The following MYO15A variants were observed in gnomAD, a reference collection of about 807,000 sequenced individuals.
MYO15A encodes unconventional myosin-XV.
In MYO15A, 308 loss-of-function variants were observed where a neutral mutation model predicts 394.6. The ratio of observed to expected loss-of-function variants is 0.78; its 90% CI spans 0.71 to 0.86. MYO15A has a LOEUF of 0.86. MYO15A is among the 40% of genes least tolerant of loss of function. The pLI, the probability that MYO15A is intolerant of heterozygous loss-of-function variation, is 0.00. For synonymous variants in MYO15A, 1,957 were observed against 2,003.8 expected (o/e 0.98, Z 0.62); for missense variants, 4,606 against 4,799.1 (o/e 0.96, Z 1.19).
chr17:18,151,249 C>G lies in MYO15A; in HGVS notation c.7613C>G (p.Ala2538Gly). 1 of 1,614,194 alleles carries G rather than the reference C, an allele frequency of 6.2e-7. No individual in the cohort carries two copies. Among genetic ancestry groups the G allele is most frequent in the East Asian group, 2.2e-5 (1 of 44,872 alleles). The change falls in exon 39 of 66, where the codon GCT (alanine) becomes GGT (glycine). Residue 2538 changes from alanine (A) to glycine (G), a missense_variant. Physicochemically the swap from Ala to Gly is moderately conservative, Grantham distance 60. Around this residue, in one of 2 missense-constraint regions of MYO15A, gnomAD observed 2,776 missense variants for 3,109.3 expected, o/e 0.89. Transcript: ENST00000647165. ...KAPRLPIKPV[A>G]APVLAQDQAS... is the part of the protein sequence containing the mutation. ...CCAAGGCTCCCCATCAAGCCTGTGG[C>G]TGCCCCTGTTCTAGCTCAGGATCAG...
chr17:18,134,553 G>A (rs12949189), intron 12 of MYO15A, among the ~76,000 whole-genome samples: 4,941 of 152,148 alleles, frequency 0.032, 129 homozygotes, highest in Non-Finnish European at 0.052. Flanking sequence ...TTTCCCAGGT[G>A]GTTACTCAAT....
rs563841592 is a variant in MYO15A at position 18,150,602 on chromosome 17, T to A, written c.7327+59T>A. 1.9e-6 allele frequency: 3 copies of A among 1,611,154 alleles called. No homozygotes were observed. In the East Asian group the frequency reaches 6.7e-5, roughly 36 times the overall value. On this transcript the variant is annotated intron_variant, in intron 36 of 65. Coordinates refer to ENST00000647165, the MANE Select transcript of MYO15A (RefSeq NM_016239.4). This position sits in a 1 kb window ranked among gnomAD's most constrained non-coding sequence, Gnocchi z 4.4. ...GCAGGGCCAGAGCCACTTGCTGGTG[T>A]GCTAGAATGGAGGCAGCCACAGCAT... is the stretch of plus-strand genomic sequence containing the variant.
In MYO15A at chr17:18,142,111, G is replaced by A; in HGVS notation, c.5682G>A (p.Leu1894=). 2.5e-6 allele frequency: 4 copies of A among 1,613,600 alleles called. No homozygotes were observed. The highest frequency in any genetic ancestry group is 2.5e-6 in the Non-Finnish European group (3 of 1,180,036). The change falls in exon 24 of 66, where the codon CTG becomes CTA. Residue 1894 remains leucine, a synonymous_variant. Transcript: ENST00000647165. ...LFLKEHLYQL[L]ESMREHVLNL... ...TTAAGGAACACCTATACCAGCTGCT[G>A]GAGAGTATGCGAGAGCATGTCCTGA... is the stretch of plus-strand genomic sequence containing the variant.
rs764150724 is a variant in MYO15A at position 18,132,568 on chromosome 17, T to TA, written c.4320+2_4320+3insA. ...GAGACCTACTACTATCTGAACCAGG[T>TA]GAGTGCCAGCAGGCATCTGAAGGCC... On this transcript the variant is annotated splice_region_variant and intron_variant, in intron 11 of 65. Coordinates refer to ENST00000647165, the MANE Select transcript of MYO15A (RefSeq NM_016239.4). The surrounding 1 kb of genome is among the most constrained non-coding windows in gnomAD (Gnocchi z 4.6). 2.5e-6 allele frequency: 4 copies of TA among 1,609,936 alleles called. No individual in the cohort carries two copies. In the Admixed American group the frequency reaches 6.7e-5, roughly 27 times the overall value.
At chr17:18,146,662 G>A (rs2046486326) in intron 30 of MYO15A, among the ~76,000 whole-genome samples, 2 of 152,160 alleles carry the variant, frequency 1.3e-5, no homozygotes, top group Admixed American at 1.3e-4. Flanking sequence ...CAGTGGCTCA[G>A]GCCTGTAATC....
In MYO15A at chr17:18,163,779, T is replaced by C. The variant is rs1372620351; in HGVS notation, c.9728T>C (p.Met3243Thr). Reference protein sequence around the residue: ...LDVVEEICAEMALTRPEAFNE... With the variant: ...LDVVEEICAETALTRPEAFNE... ...GTGGTGGAAGAGATATGTGCTGAGA[T>C]GGCTCTGACACGCCCTGAGGCCTTC... is the stretch of plus-strand genomic sequence containing the variant. Residue 3243 changes from methionine to threonine, a missense_variant, in exon 60 of 66, where the codon ATG becomes ACG. Physicochemically the swap from Met to Thr is moderately conservative, Grantham distance 81. Transcript: ENST00000647165. 1.9e-6 allele frequency: 3 copies of C among 1,613,956 alleles called. No individual in the cohort carries two copies. Among genetic ancestry groups the C allele is most frequent in the Non-Finnish European group, 2.5e-6 (3 of 1,179,976 alleles).
chr17:18,113,171 GAC>G (rs2045742626), intron 1 of MYO15A, among the ~76,000 whole-genome samples: 2 of 152,064 alleles, frequency 1.3e-5, no homozygotes, highest in Admixed American at 1.3e-4. Context: ...TGTTTGTTTT[GAC>G]ACAGAGTCTT....
In MYO15A at chr17:18,149,514, G is replaced by A; in HGVS notation, c.7146G>A (p.Val2382=). The change falls in exon 35 of 66, where the codon GTG becomes GTA. Residue 2382 remains valine, a synonymous_variant. Transcript: ENST00000647165. The part of the protein sequence containing the change: ...QESDSLGEPA[V]PHKGLDCYLD... Reference sequence around the variant, plus strand: ...CAGACAGTCTTGGAGAGCCTGCTGTGCCCCACAAGGGGCTGGACTGCTACC... The same window carrying A: ...CAGACAGTCTTGGAGAGCCTGCTGTACCCCACAAGGGGCTGGACTGCTACC... The A allele has an allele frequency of 6.2e-7, 1 of 1,614,178 alleles. No individual in the cohort carries two copies. Among genetic ancestry groups the A allele is most frequent in the Non-Finnish European group, 8.5e-7 (1 of 1,180,020 alleles).
Position 18,130,817 on chromosome 17 carries a change from AGTGTGTGTGTGTGTGT to A in MYO15A, c.4038+46_4038+61del, listed in dbSNP as rs59214589. On this transcript the variant is annotated splice_region_variant and intron_variant, in intron 8 of 65. Coordinates refer to ENST00000647165, the MANE Select transcript of MYO15A (RefSeq NM_016239.4). ...GACGCTCTTGAAGATAAAGGTACTCAGTGTGTGTGTGTGTGTGTGTGTGTGTGTGTGTGTGTGTGTG... is the reference window on the plus strand; with the variant it reads ...GACGCTCTTGAAGATAAAGGTACTCAGTGTGTGTGTGTGTGTGTGTGTGTG... 3.8e-4 allele frequency: 448 copies of A among 1,192,928 alleles called. 1 individual carries two copies. The highest frequency in any genetic ancestry group is 7.2e-4 in the Middle Eastern group (3 of 4,152). 73.9% of individuals were successfully genotyped at this position (1,192,928 alleles called of 1,614,324 possible). A position where few individuals can be genotyped will look rare whatever the true frequency, so the allele number is the denominator to read the frequency against.
At chr17:18,143,672 G>A (rs1255966085) in intron 26 of MYO15A, 43 bp from the exon 27 acceptor site, 2 of 1,571,876 alleles carry the variant, frequency 1.3e-6, no homozygotes, top group African/African-American at 1.4e-5. Flanking sequence ...TGGCAGGTGG[G>A]GATGTGGCAG....
intron 12 of MYO15A, among the ~76,000 whole-genome samples, chr17:18,133,910 G>A (rs1265317740): frequency 4.6e-5 from 7 of 152,064 alleles, no homozygotes; most frequent in African/African-American, 7.2e-5. Context: ...CACCGGCCTC[G>A]GCCTCCCAAA....
rs1304446547 is a variant in MYO15A at position 18,152,107 on chromosome 17, G to A, written c.7894-5G>A. ...CCCCTGAGCAGTCTCTTTGGGGTGG[G>A]ACAGGTGTCCAGAGAGGCCGTGGCC... On this transcript the variant is annotated splice_polypyrimidine_tract_variant and splice_region_variant and intron_variant, in intron 41 of 65. Coordinates refer to ENST00000647165, the MANE Select transcript of MYO15A (RefSeq NM_016239.4). 6.4e-7 allele frequency: 1 copy of A among 1,551,498 alleles called. No homozygotes were observed. Among genetic ancestry groups the A allele is most frequent in the South Asian group, 1.2e-5 (1 of 84,048 alleles).
In MYO15A at chr17:18,141,728, G is replaced by A. The variant is rs953794273; in HGVS notation, c.5607G>A (p.Leu1869=). ...TGTGTGTGTCAGTGCTGAGTCGCCT[G>A]TGCAAAGTCATGCCAAACATGTACC... The part of the protein sequence containing the change: ...GDMCVSVLSR[L]CKVMPNMYRV... The change falls in exon 23 of 66, where the codon CTG becomes CTA. Residue 1869 remains leucine, a synonymous_variant. Coordinates refer to ENST00000647165, the MANE Select transcript of MYO15A (RefSeq NM_016239.4). The A allele has an allele frequency of 1.2e-6, 2 of 1,614,102 alleles. No individual in the cohort carries two copies. Among genetic ancestry groups the A allele is most frequent in the Admixed American group, 3.3e-5 (2 of 60,022 alleles).
Position 18,136,470 on chromosome 17 carries a change from T to A in MYO15A, c.4650T>A (p.Asp1550Glu), listed in dbSNP as rs745359224. The A allele has an allele frequency of 8.1e-6, 13 of 1,613,826 alleles. No individual in the cohort carries two copies. Among genetic ancestry groups the A allele is most frequent in the Non-Finnish European group, 1.0e-5 (12 of 1,180,024 alleles). ...FTPLTVESAV[D>E]ARDAIAKVLY... ...CCCTAACTGTGGAGAGCGCTGTGGA[T>A]GCCAGGTGAGGCCACGCCCTCCCCT... Residue 1550 changes from aspartate to glutamate, a missense_variant, in exon 14 of 66, where the codon GAT (aspartate) becomes GAA (glutamate). This residue lies in a region of MYO15A where 2,776 missense variants were observed against 3,109.3 expected (regional missense o/e 0.89). Transcript: ENST00000647165.
At chr17:18,142,872 G>C (rs2046407311) in intron 25 of MYO15A, 32 bp downstream of exon 25, 1 of 1,583,812 alleles carries the variant, frequency 6.3e-7, no homozygotes, top group Non-Finnish European at 8.6e-7. Flanking sequence ...GGTCCAAGGG[G>C]ACAGCAGAGA....
At chr17:18,137,451 G>A in intron 15 of MYO15A, 133 bp from the exon 16 acceptor site, 5 of 736,296 alleles carry the variant, frequency 6.8e-6, no homozygotes, top group Non-Finnish European at 9.7e-6. Flanking sequence ...GGTGCAGCAG[G>A]AGCTGTGGAG....
At chr17:18,133,454 T>C in intron 12 of MYO15A, 68 bp downstream of exon 12, 1 of 1,585,902 alleles carries the variant, frequency 6.3e-7, no homozygotes, top group Non-Finnish European at 8.6e-7. Flanking sequence ...TCCAAGGCCT[T>C]CTCTGTTTCC....
In MYO15A at chr17:18,119,324, C is replaced by G; in HGVS notation, c.524C>G (p.Pro175Arg). The change falls in exon 2 of 66, where the codon CCG (proline) becomes CGG (arginine). Residue 175 changes from proline to arginine, a missense_variant. Physicochemically the swap from Pro to Arg is moderately radical, Grantham distance 103. Coordinates refer to ENST00000647165, the MANE Select transcript of MYO15A (RefSeq NM_016239.4). ...ATGGGCTCCCGCAAACTCCCCTTCC[C>G]GTCGGGTGCCGAGATCCTGCGGCCT... ...SRMGSRKLPFPSGAEILRPGG... is the reference protein window; with the variant it reads ...SRMGSRKLPFRSGAEILRPGG... 7 of 1,609,970 alleles carry G rather than the reference C, an allele frequency of 4.3e-6. No individual in the cohort carries two copies. Among genetic ancestry groups the G allele is most frequent in the African/African-American group, 1.3e-5 (1 of 75,022 alleles).
chr17:18,138,372 C>T (rs1597788325), intron 17 of MYO15A, 126 bp downstream of exon 17: 2 of 1,226,940 alleles, frequency 1.6e-6, no homozygotes, highest in Non-Finnish European at 2.3e-6. Flanking sequence ...GGTTGGGACA[C>T]CCGACCTACT....
Sources: gnomAD v4.1 joint callset for allele counts (sites outside exome capture counted in the v4.1 genomes callset) on GRCh38, gnomAD v4.1.1 for gene constraint, gnomAD v4.1.1 regional missense constraint, Gnocchi (gnomAD v3.1) non-coding constraint, MANE v1.5 for transcripts, NCBI Gene and HGNC (gene_info 2026-07-23, HGNC 2026-07-21) for gene names.